Variants in SWT1 observed in about 807,000 individuals in gnomAD.
SWT1 encodes the protein SWT1 RNA endoribonuclease homolog.
In SWT1, 33 loss-of-function variants were observed where a neutral mutation model predicts 107.3. The observed-to-expected ratio is 0.31, with a 90% CI of 0.23 to 0.41. SWT1 has a LOEUF of 0.41. Ranked by LOEUF, SWT1 falls within the 10% of genes least tolerant of loss-of-function variation. SWT1 has a pLI of 1.00. For synonymous variants in SWT1, 345 were observed against 348.3 expected, an observed-to-expected ratio of 0.99 and a Z score of 0.11; for missense variants, 898 against 1,028.9, an observed-to-expected ratio of 0.87 and a Z score of 1.74.
rs1248239566 is a variant in SWT1 at position 185,214,752 on chromosome 1, A to T, written c.2121+97A>T. 3 of 982,166 alleles carry T rather than the reference A, an allele frequency of 3.1e-6. No individual in the cohort carries two copies. The Admixed American group carries it at 8.4e-5, about 28-fold the overall frequency. The allele number at this position is 982,166 out of a possible 1,614,324, so 60.8% of individuals were successfully genotyped here. On this transcript the variant is annotated intron_variant, in intron 14 of 18. Transcript: ENST00000367500. ...AGTAGGTAAAGGATAATTTAATTCTAACTTATTCTAACATACTAAAGGCGT... is the reference window on the plus strand; with the variant it reads ...AGTAGGTAAAGGATAATTTAATTCTTACTTATTCTAACATACTAAAGGCGT...
intron 16 of SWT1, chr1:185,263,555 C>T (rs1454841027): frequency 6.6e-6 from 1 of 152,224 alleles, no homozygotes; most frequent in Non-Finnish European, 1.5e-5. Flanking sequence ...TAAGAATATG[C>T]TGTTTTGTAG....
chr1:185,256,003 T>C (rs1662476569), intron 16 of SWT1, among the ~76,000 whole-genome samples: 1 of 151,948 alleles, frequency 6.6e-6, no homozygotes, highest in African/African-American at 2.4e-5. Context: ...CAGCATTTGC[T>C]TGTCTGTAAA....
At position 185,264,372 on chromosome 1, in the gene SWT1, A is replaced by G. The variant is rs1054018983; in HGVS notation, c.2442-6951A>G. On this transcript the variant is annotated intron_variant, in intron 16 of 18. Coordinates refer to ENST00000367500, the MANE Select transcript of SWT1 (RefSeq NM_017673.7). The stretch of plus-strand genomic sequence containing the variant: ...GGATGACATAAAAGTTCACTGCTGG[A>G]GATGCCTTATGAGAAGAGAACAAGT... The G allele has an allele frequency of 4.1e-6, 4 of 985,176 alleles. No individual in the cohort carries two copies. In the African/African-American group the frequency reaches 7.0e-5, roughly 17 times the overall value. The allele number at this position is 985,176 out of a possible 1,614,324, so 61.0% of individuals were successfully genotyped here.
chr1:185,280,857 C>T lies in SWT1; in HGVS notation c.2573+4189C>T, dbSNP rs574450758. ...GGGTGTGTTGTGATGCCAGAGCTGGCGGTGCAGAAGGTGGTGGTCTACCCC... is the reference window on the plus strand; with the variant it reads ...GGGTGTGTTGTGATGCCAGAGCTGGTGGTGCAGAAGGTGGTGGTCTACCCC... On this transcript the variant is annotated intron_variant, in intron 18 of 18. Transcript: ENST00000367500. 362 of 431,412 alleles carry T rather than the reference C, an allele frequency of 8.4e-4. 7 individuals are homozygous for T. The highest frequency in any genetic ancestry group is 5.7e-3 in the South Asian group (323 of 56,894). 26.7% of individuals were successfully genotyped at this position (431,412 alleles called of 1,614,324 possible). A position where few individuals can be genotyped will look rare whatever the true frequency, so the allele number is the denominator to read the frequency against.
chr1:185,254,432 T>C (rs1337848316), intron 16 of SWT1, among the ~76,000 whole-genome samples: 2 of 138,892 alleles, frequency 1.4e-5, no homozygotes, highest in Admixed American at 1.4e-4. Flanking sequence ...GTTGGTAAGC[T>C]ACTGATTATT....
chr1:185,220,102 G>GCACT (rs1327620959), intron 14 of SWT1, among the ~76,000 whole-genome samples: 2 of 123,962 alleles, frequency 1.6e-5, no homozygotes, highest in East Asian at 4.8e-4. Flanking sequence ...TCACACCACT[G>GCACT]CACTCCAGCC....
At chr1:185,220,874 A>G (rs766035048) in intron 14 of SWT1, among the ~76,000 whole-genome samples, 1 of 152,226 alleles carries the variant, frequency 6.6e-6, no homozygotes, top group Admixed American at 6.5e-5. Flanking sequence ...GTGATCTTTA[A>G]AATTGCAGTG....
At chr1:185,274,861 C>T (rs1664135756) in intron 17 of SWT1, among the ~76,000 whole-genome samples, 1 of 152,066 alleles carries the variant, frequency 6.6e-6, no homozygotes, top group Admixed American at 6.5e-5. Context: ...TCTTCATAGT[C>T]AAAATTAATT....
intron 5 of SWT1, chr1:185,176,781 G>A (rs540525197): frequency 1.5e-5 from 10 of 647,100 alleles, no homozygotes; most frequent in African/African-American, 2.0e-5. Flanking sequence ...TCAGGAGATC[G>A]AGACCATCCT....
rs1659688732 is a variant in SWT1 at position 185,221,941 on chromosome 1, C to T, written c.2214C>T (p.Ile738=). ...TGAAGAATTCTCATAATCAAGAAAT[C>T]ACTGTTTTCTCGAGTTCTCATCTTC... ...TSLKNSHNQE[I]TVFSSSHLPQ... Residue 738 remains isoleucine, a synonymous_variant, in exon 15 of 19, where the codon ATC becomes ATT. Transcript: ENST00000367500. 6.2e-7 allele frequency: 1 copy of T among 1,612,192 alleles called. No homozygotes were observed. The highest frequency in any genetic ancestry group is 1.1e-5 in the South Asian group (1 of 90,770).
At chr1:185,170,414 A>G (rs1323347920) in intron 4 of SWT1, among the ~76,000 whole-genome samples, 1 of 152,178 alleles carries the variant, frequency 6.6e-6, no homozygotes, top group Non-Finnish European at 1.5e-5. Context: ...GACTTCTGAC[A>G]TTAAATCCTG....
chr1:185,226,732 CTTT>C (rs35307844), intron 15 of SWT1: 6,425 of 371,892 alleles, frequency 0.017, no homozygotes, highest in East Asian at 0.022. Context: ...GCTTCTGAGA[CTTT>C]TTTTTTTTTT....
chr1:185,244,565 G>GT (rs1661469221), intron 16 of SWT1, among the ~76,000 whole-genome samples: 1 of 152,074 alleles, frequency 6.6e-6, no homozygotes, highest in Admixed American at 6.5e-5. Context: ...GGGTGAGTCA[G>GT]TGGGTGGGTG....
chr1:185,211,050 A>G (rs1658759053), intron 13 of SWT1, among the ~76,000 whole-genome samples: 1 of 152,208 alleles, frequency 6.6e-6, no homozygotes, highest in Admixed American at 6.5e-5. Flanking sequence ...AGAGGACACA[A>G]ACAAATGGAA....
intron 18 of SWT1, among the ~76,000 whole-genome samples, chr1:185,288,699 T>A (rs1001675533): frequency 8.5e-5 from 13 of 152,150 alleles, no homozygotes; most frequent in African/African-American, 3.1e-4. Context: ...ACATGCCAGA[T>A]GCTATACTAG....
At chr1:185,238,278 G>A (rs1372087522) in intron 16 of SWT1, among the ~76,000 whole-genome samples, 1 of 152,054 alleles carries the variant, frequency 6.6e-6, no homozygotes, top group African/African-American at 2.4e-5. Context: ...GAGCCACCTT[G>A]CCTGGCTTGG....
intron 15 of SWT1, chr1:185,227,227 T>G (rs1660135894): frequency 1.3e-6 from 1 of 796,600 alleles, no homozygotes; most frequent in Non-Finnish European, 2.2e-6. Context: ...CTAAAAACTT[T>G]ATTGCCAGTG....
intron 11 of SWT1, 79 bp downstream of exon 11, chr1:185,202,878 T>G: frequency 1.3e-6 from 1 of 776,700 alleles, no homozygotes; most frequent in Non-Finnish European, 1.8e-6. Context: ...GAATCGATAG[T>G]AAATTTTTAT....
intron 3 of SWT1, among the ~76,000 whole-genome samples, 183 bp downstream of exon 3, chr1:185,166,835 T>G (rs554876514): frequency 6.6e-6 from 1 of 152,338 alleles, no homozygotes; most frequent in South Asian, 2.1e-4. Context: ...GGCCCTACCA[T>G]GTGGGATTAG....
Sources: allele counts gnomAD v4.1 joint callset (sites outside exome capture counted in the v4.1 genomes callset), GRCh38; gene constraint gnomAD v4.1.1; transcripts MANE v1.5; gene names NCBI Gene and HGNC (gene_info 2026-07-23, HGNC 2026-07-21).